The following CDS2 variants were observed in gnomAD, a reference collection of about 807,000 sequenced individuals.
CDS2 encodes the protein CDP-diacylglycerol synthase 2, also known as phosphatidate cytidylyltransferase 2.
A neutral mutation model predicts 59.0 loss-of-function variants in CDS2; 47 were observed. The observed-to-expected ratio is 0.80, with a 90% CI of 0.63 to 1.02. CDS2 has a LOEUF of 1.02. Ranked by LOEUF, CDS2 falls within the 50% of genes least tolerant of loss-of-function variation. The probability of loss-of-function intolerance (pLI) is 0.00; values close to 1 mark genes in which losing one functional copy is unlikely to be tolerated. For synonymous variants in CDS2, 207 were observed against 206.4 expected (o/e 1.00, Z -0.02); for missense variants, 356 against 558.9 (o/e 0.64, Z 3.66).
intron 1 of CDS2, among the ~76,000 whole-genome samples, chr20:5,173,293 G>A (rs185507922): frequency 3.9e-5 from 6 of 152,306 alleles, no homozygotes; most frequent in Admixed American, 2.0e-4. Context: ...CAGATGGTAC[G>A]CGGTGCAGAT....
chr20:5,168,811 C>T (rs1011895617), intron 1 of CDS2, among the ~76,000 whole-genome samples: 1 of 152,204 alleles, frequency 6.6e-6, no homozygotes, highest in African/African-American at 2.4e-5. Context: ...CCACAAGGAA[C>T]ATCCCCTCCT....
chr20:5,134,382 G>C (rs1056466092), intron 1 of CDS2, among the ~76,000 whole-genome samples: 1 of 152,114 alleles, frequency 6.6e-6, no homozygotes, highest in Non-Finnish European at 1.5e-5. Context: ...AGAGGGGCTG[G>C]TGTTATCAGT....
At position 5,184,672 on chromosome 20, in the gene CDS2, T is replaced by C. The variant is rs894070843; in HGVS notation, c.672-186T>C. Among the ~76,000 whole-genome samples, 2 of 152,238 alleles carry C rather than the reference T, an allele frequency of 1.3e-5. No individual in the cohort carries two copies. Among genetic ancestry groups the C allele is most frequent in the African/African-American group, 2.4e-5 (1 of 41,462 alleles). ...TAGTCATTCAGTAAACACTTGAATA[T>C]GTACTCTGTGCTAGGTACTAGGTAT... On this transcript the variant is annotated intron_variant, in intron 7 of 12. Coordinates refer to ENST00000460006, the MANE Select transcript of CDS2 (RefSeq NM_003818.4). This position sits in a 1 kb window ranked among gnomAD's most constrained non-coding sequence, Gnocchi z 4.3.
At chr20:5,138,762 C>G (rs1338645012) in intron 1 of CDS2, among the ~76,000 whole-genome samples, 1 of 151,514 alleles carries the variant, frequency 6.6e-6, no homozygotes, top group Non-Finnish European at 1.5e-5. Flanking sequence ...CTGGGATTAC[C>G]TGGGAGGCTG....
chr20:5,136,599 C>T (rs1394525315), intron 1 of CDS2, among the ~76,000 whole-genome samples: 1 of 152,162 alleles, frequency 6.6e-6, no homozygotes, highest in African/African-American at 2.4e-5. Flanking sequence ...ATTGTAAACC[C>T]TGTGAATTGA....
At chr20:5,188,055 CGTGTGTGTGT>C (rs71332879) in intron 10 of CDS2, among the ~76,000 whole-genome samples, 6 of 148,804 alleles carry the variant, frequency 4.0e-5, no homozygotes, top group African/African-American at 1.5e-4. Flanking sequence ...TCTTAACGTA[CGTGTGTGTGT>C]GTGTGTGTGT....
At chr20:5,159,447 G>A (rs2123011425) in intron 1 of CDS2, among the ~76,000 whole-genome samples, 1 of 151,436 alleles carries the variant, frequency 6.6e-6, no homozygotes, top group South Asian at 2.1e-4. Flanking sequence ...ATGAAATTAT[G>A]TTAAAATTTT....
intron 1 of CDS2, among the ~76,000 whole-genome samples, chr20:5,134,863 G>A (rs933474306): frequency 3.9e-5 from 6 of 152,104 alleles, no homozygotes; most frequent in Admixed American, 6.6e-5. Context: ...GAGCATGAGA[G>A]TCTAACAGCT....
intron 1 of CDS2, among the ~76,000 whole-genome samples, chr20:5,145,247 C>CCG (rs1160401736): frequency 8.4e-6 from 1 of 118,502 alleles, no homozygotes; most frequent in Non-Finnish European, 1.8e-5. Flanking sequence ...CCCCCCCCCC[C>CCG]GCCCCCGCCA....
In CDS2 at chr20:5,185,744, C is replaced by T; in HGVS notation, c.760-14C>T. ...CAAAACACCCTTTGCTGAGAACTTG[C>T]TCTCTGTCCACAGCTGTCCCCGAAG... On this transcript the variant is annotated splice_polypyrimidine_tract_variant and intron_variant, in intron 8 of 12. Transcript: ENST00000460006. 6.2e-7 allele frequency: 1 copy of T among 1,613,248 alleles called. No individual in the cohort carries two copies. Among genetic ancestry groups the T allele is most frequent in the East Asian group, 2.2e-5 (1 of 44,878 alleles).
intron 1 of CDS2, among the ~76,000 whole-genome samples, chr20:5,136,020 A>G (rs968309419): frequency 6.6e-6 from 1 of 152,170 alleles, no homozygotes; most frequent in Non-Finnish European, 1.5e-5. Context: ...GCTTCTCTGT[A>G]AAGACTTTGC....
At chr20:5,145,285 T>A (rs1430411956) in intron 1 of CDS2, among the ~76,000 whole-genome samples, 1 of 118,812 alleles carries the variant, frequency 8.4e-6, no homozygotes, top group East Asian at 2.7e-4. Context: ...GAGAGTTCCA[T>A]TCTAGCGCTC....
At chr20:5,130,643 C>A (rs1013012036) in intron 1 of CDS2, among the ~76,000 whole-genome samples, 2 of 151,872 alleles carry the variant, frequency 1.3e-5, no homozygotes, top group African/African-American at 4.8e-5. Flanking sequence ...ATTAGCCGGG[C>A]GTGGTGGTGC....
At chr20:5,154,174 T>C (rs2090814725) in intron 1 of CDS2, among the ~76,000 whole-genome samples, 1 of 152,196 alleles carries the variant, frequency 6.6e-6, no homozygotes, top group Non-Finnish European at 1.5e-5. Context: ...ATTGTGAGAT[T>C]GTTGTTCCCA....
chr20:5,166,266 A>G (rs1246950096), intron 1 of CDS2, among the ~76,000 whole-genome samples: 13 of 152,212 alleles, frequency 8.5e-5, no homozygotes, highest in Non-Finnish European at 1.5e-5. Flanking sequence ...TGACAGATCT[A>G]CAAGCTGAGA....
At chr20:5,131,553 G>A (rs2090608043) in intron 1 of CDS2, among the ~76,000 whole-genome samples, 1 of 152,192 alleles carries the variant, frequency 6.6e-6, no homozygotes, top group African/African-American at 2.4e-5. Flanking sequence ...GGGGTTTTCT[G>A]CTTTACTTAA....
chr20:5,133,463 T>G (rs936043110), intron 1 of CDS2, among the ~76,000 whole-genome samples: 1 of 152,168 alleles, frequency 6.6e-6, no homozygotes, highest in African/African-American at 2.4e-5. Flanking sequence ...TCAGAGAGTT[T>G]AAGTTATTAG....
chr20:5,149,626 T>G (rs2090772431), intron 1 of CDS2, among the ~76,000 whole-genome samples: 1 of 152,188 alleles, frequency 6.6e-6, no homozygotes. Flanking sequence ...GGTCTGAAAC[T>G]CCTGGGTTCA....
intron 1 of CDS2, among the ~76,000 whole-genome samples, chr20:5,129,443 ATTT>A (rs928515205): frequency 4.1e-5 from 5 of 122,082 alleles, no homozygotes; most frequent in Admixed American, 8.1e-5. Context: ...CGCTCGGCTA[ATTT>A]TTTTTTTTTT....
Sources: allele counts gnomAD v4.1 joint callset (sites outside exome capture counted in the v4.1 genomes callset), GRCh38; gene constraint gnomAD v4.1.1; non-coding constraint Gnocchi (gnomAD v3.1); transcripts MANE v1.5; gene names NCBI Gene and HGNC (gene_info 2026-07-23, HGNC 2026-07-21).